Variants in SNTG1 observed in about 807,000 individuals in gnomAD.
SNTG1 encodes the protein syntrophin gamma 1.
SNTG1 carries 39 observed loss-of-function variants against 74.7 expected under a neutral mutation model. That is an observed-to-expected ratio of 0.52 (90% CI 0.40 to 0.68). The LOEUF is 0.68. Ranked by LOEUF, SNTG1 falls within the 30% of genes least tolerant of loss-of-function variation. The probability of loss-of-function intolerance (pLI) is 0.00; values close to 1 mark genes in which losing one functional copy is unlikely to be tolerated. For missense variants in SNTG1, 685 were observed against 609.5 expected, an observed-to-expected ratio of 1.12 and a Z score of -1.30; for synonymous variants, 254 against 217.1, an observed-to-expected ratio of 1.17 and a Z score of -1.49.
At chr8:50,658,009 A>C (rs2095194332) in intron 14 of SNTG1, among the ~76,000 whole-genome samples, 1 of 152,146 alleles carries the variant, frequency 6.6e-6, no homozygotes. Context: ...CTCTACACAA[A>C]GTTTAAAGCA....
At chr8:50,145,320 C>T (rs950938243) in intron 1 of SNTG1, among the ~76,000 whole-genome samples, 4 of 152,092 alleles carry the variant, frequency 2.6e-5, no homozygotes. Context: ...ATATATATAG[C>T]TAGATGGAAT....
intron 9 of SNTG1, among the ~76,000 whole-genome samples, chr8:50,508,702 G>T (rs2094033673): frequency 6.6e-6 from 1 of 152,130 alleles, no homozygotes; most frequent in South Asian, 2.1e-4. Flanking sequence ...TTGTCTGTTG[G>T]TGGCATAAAT....
chr8:50,621,657 G>A (rs2094924057), intron 13 of SNTG1, among the ~76,000 whole-genome samples: 2 of 152,138 alleles, frequency 1.3e-5, no homozygotes, highest in Non-Finnish European at 2.9e-5. Context: ...ACAGCCAACA[G>A]ACAACTGCCA....
intron 18 of SNTG1, among the ~76,000 whole-genome samples, chr8:50,776,701 A>G (rs2095641846): frequency 6.6e-6 from 1 of 151,620 alleles, no homozygotes; most frequent in Non-Finnish European, 1.5e-5. Flanking sequence ...CTTTCTTCCT[A>G]AGTTCCAAGA....
intron 15 of SNTG1, among the ~76,000 whole-genome samples, chr8:50,662,844 T>C (rs2095231446): frequency 6.6e-6 from 1 of 152,198 alleles, no homozygotes; most frequent in African/African-American, 2.4e-5. Context: ...GCTGTGAAGA[T>C]TAGGAATTGG....
chr8:50,408,009 T>G (rs1318143124), intron 4 of SNTG1, among the ~76,000 whole-genome samples: 1 of 152,188 alleles, frequency 6.6e-6, no homozygotes, highest in Non-Finnish European at 1.5e-5. Flanking sequence ...ATAGCAGTGT[T>G]ACCTAGAGGG....
chr8:49,926,354 G>A (rs1319583621), intron 1 of SNTG1, among the ~76,000 whole-genome samples: 2 of 151,894 alleles, frequency 1.3e-5, no homozygotes, highest in South Asian at 4.1e-4. Context: ...TTTTTTAGAA[G>A]TTCACAAATA....
chr8:50,775,248 T>C (rs776589278), intron 18 of SNTG1, among the ~76,000 whole-genome samples: 9 of 151,714 alleles, frequency 5.9e-5, no homozygotes, highest in Admixed American at 2.6e-4. Context: ...ATTTTTAAAT[T>C]GAAAGGTACT....
intron 8 of SNTG1, among the ~76,000 whole-genome samples, chr8:50,467,435 C>T (rs1463390357): frequency 6.6e-6 from 1 of 151,866 alleles, no homozygotes; most frequent in Non-Finnish European, 1.5e-5. Context: ...GAGTTGTTCA[C>T]AGTGTTCCTC....
At chr8:50,067,982 C>T (rs1035084119) in intron 1 of SNTG1, among the ~76,000 whole-genome samples, 8 of 152,130 alleles carry the variant, frequency 5.3e-5, no homozygotes, top group African/African-American at 1.2e-4. Flanking sequence ...CATCTTTTCA[C>T]GTCCAGGCAC....
Position 50,402,195 on chromosome 8 carries a change from T to G in SNTG1, c.28-15T>G. 1 of 1,581,340 alleles carries G rather than the reference T, an allele frequency of 6.3e-7. No individual in the cohort carries two copies. Among genetic ancestry groups the G allele is most frequent in the African/African-American group, 1.4e-5 (1 of 72,482 alleles). ...TATAATTTTTCCTCTGTTTGTTTTT[T>G]TTTTTAATCTGAAGACAAAGACAGG... On this transcript the variant is annotated splice_polypyrimidine_tract_variant and intron_variant, in intron 3 of 18. Coordinates refer to ENST00000642720, the MANE Select transcript of SNTG1 (RefSeq NM_018967.5).
At chr8:50,488,452 G>A (rs1485439431) in intron 8 of SNTG1, among the ~76,000 whole-genome samples, 3 of 152,068 alleles carry the variant, frequency 2.0e-5, no homozygotes, top group South Asian at 2.1e-4. Context: ...TCCCTTGGTC[G>A]GAAATCCTAT....
At chr8:50,763,679 TG>T in intron 18 of SNTG1, among the ~76,000 whole-genome samples, 1 of 147,736 alleles carries the variant, frequency 6.8e-6, no homozygotes, top group Admixed American at 6.8e-5. Context: ...TGTGTGTGTG[TG>T]TGTGTGTGTG....
intron 2 of SNTG1, among the ~76,000 whole-genome samples, chr8:50,178,345 C>T (rs1017031508): frequency 4.7e-5 from 7 of 148,058 alleles, no homozygotes; most frequent in Non-Finnish European, 7.4e-5. Flanking sequence ...TTCTTCTGGT[C>T]TCTTCCTCCT....
chr8:50,751,661 A>G (rs1018678278), intron 17 of SNTG1, among the ~76,000 whole-genome samples: 1 of 152,038 alleles, frequency 6.6e-6, no homozygotes, highest in African/African-American at 2.4e-5. Flanking sequence ...AAGTTCCAGA[A>G]TGATCAATTC....
chr8:50,171,951 A>T (rs1204079901), intron 1 of SNTG1, among the ~76,000 whole-genome samples: 1 of 152,168 alleles, frequency 6.6e-6, no homozygotes, highest in African/African-American at 2.4e-5. Context: ...TCAAAACTAC[A>T]GTTGAGTTCA....
At chr8:50,295,934 G>A (rs948269094) in intron 2 of SNTG1, among the ~76,000 whole-genome samples, 4 of 152,158 alleles carry the variant, frequency 2.6e-5, no homozygotes, top group Non-Finnish European at 4.4e-5. Flanking sequence ...GTAAAAAAGT[G>A]CACCTAAAGC....
At position 50,758,477 on chromosome 8, in the gene SNTG1, C is replaced by A. The variant is rs565679881; in HGVS notation, c.1395+6366C>A. On this transcript the variant is annotated intron_variant, in intron 18 of 18. Transcript: ENST00000642720. ...TAATGCTATCCCTTCCCTGCCCCACCCCACCTCTTGACAAGCTCCAGTGTG... is the reference window on the plus strand; with the variant it reads ...TAATGCTATCCCTTCCCTGCCCCACACCACCTCTTGACAAGCTCCAGTGTG... 2.2e-4 allele frequency among the ~76,000 whole-genome samples: 33 copies of A among 152,066 alleles called. 1 individual carries two copies. The highest frequency in any genetic ancestry group is 7.7e-4 in the African/African-American group (32 of 41,510).
intron 1 of SNTG1, among the ~76,000 whole-genome samples, chr8:50,141,260 T>C (rs896601484): frequency 6.6e-6 from 1 of 152,318 alleles, no homozygotes; most frequent in East Asian, 1.9e-4. Flanking sequence ...AGATGGTAAG[T>C]GCATGTTGAA....
Sources: allele counts gnomAD v4.1 joint callset (sites outside exome capture counted in the v4.1 genomes callset), GRCh38; gene constraint gnomAD v4.1.1; transcripts MANE v1.5; gene names NCBI Gene and HGNC (gene_info 2026-07-23, HGNC 2026-07-21).